The following RBFOX1 variants were observed in gnomAD, a reference collection of about 807,000 sequenced individuals.
The protein encoded by RBFOX1 is RNA binding protein fox-1 homolog 1.
RBFOX1 carries 8 observed loss-of-function variants against 57.7 expected under a neutral mutation model. That is an observed-to-expected ratio of 0.14 (90% CI 0.08 to 0.25). The LOEUF is 0.25. Among genes scored for constraint, RBFOX1 ranks in the 10% least tolerant of loss-of-function variants. RBFOX1 has a pLI of 1.00. For missense variants in RBFOX1, 611 were observed against 548.5 expected (o/e 1.11, Z -1.14); for synonymous variants, 326 against 222.4 (o/e 1.47, Z -4.15).
chr16:5,785,208 C>T (rs1457201138), intron 3 of RBFOX1, among the ~76,000 whole-genome samples: 1 of 152,200 alleles, frequency 6.6e-6, no homozygotes, highest in African/African-American at 2.4e-5. Context: ...CCCCTGTTCT[C>T]TTCTCAGTGA....
intron 3 of RBFOX1, among the ~76,000 whole-genome samples, chr16:5,801,101 C>T (rs1467130853): frequency 6.6e-6 from 1 of 152,070 alleles, no homozygotes; most frequent in African/African-American, 2.4e-5. Flanking sequence ...AGAGTGTGTA[C>T]GGAAGTGGAG....
intron 3 of RBFOX1, among the ~76,000 whole-genome samples, chr16:6,747,185 A>T (rs2073878478): frequency 6.6e-6 from 1 of 152,162 alleles, no homozygotes; most frequent in Non-Finnish European, 1.5e-5. Flanking sequence ...TGAGACGGTC[A>T]GATCACAAGG....
intron 1 of RBFOX1, among the ~76,000 whole-genome samples, chr16:6,273,229 A>C (rs1159833260): frequency 6.6e-6 from 1 of 151,716 alleles, no homozygotes; most frequent in African/African-American, 2.4e-5. Flanking sequence ...ACTGTACTCC[A>C]GCCTGGGCAG....
chr16:6,603,654 C>G (rs774388237), intron 2 of RBFOX1, among the ~76,000 whole-genome samples: 25 of 152,182 alleles, frequency 1.6e-4, no homozygotes, highest in Non-Finnish European at 3.2e-4. Context: ...TTATGCACCA[C>G]TAGGCTGACT....
chr16:6,498,746 T>C (rs2095841393), intron 2 of RBFOX1, among the ~76,000 whole-genome samples: 1 of 152,206 alleles, frequency 6.6e-6, no homozygotes, highest in African/African-American at 2.4e-5. Flanking sequence ...TAAATAATAA[T>C]TATATCTATA....
At chr16:6,729,602 C>T (rs2068038477) in intron 3 of RBFOX1, among the ~76,000 whole-genome samples, 1 of 152,100 alleles carries the variant, frequency 6.6e-6, no homozygotes, top group Admixed American at 6.6e-5. Context: ...GGGAAATGGG[C>T]TTCTAAAGGG....
intron 3 of RBFOX1, among the ~76,000 whole-genome samples, chr16:7,019,931 A>C (rs934901312): frequency 6.7e-6 from 1 of 149,324 alleles, no homozygotes; most frequent in Non-Finnish European, 1.5e-5. Context: ...GCCTTTCCAC[A>C]TTTTGTTCTC....
intron 3 of RBFOX1, among the ~76,000 whole-genome samples, chr16:6,923,677 C>A (rs925049671): frequency 1.3e-5 from 2 of 152,162 alleles, no homozygotes; most frequent in African/African-American, 4.8e-5. Context: ...ACCCTTTACT[C>A]TTTACCCCTT....
chr16:5,559,473 C>T (rs2045809662), intron 2 of RBFOX1, among the ~76,000 whole-genome samples: 1 of 152,154 alleles, frequency 6.6e-6, no homozygotes, highest in South Asian at 2.1e-4. Context: ...AACAAGGCTA[C>T]AGTGTTTTTG....
chr16:7,704,189 C>G (rs1052424119), intron 14 of RBFOX1, among the ~76,000 whole-genome samples: 3 of 152,288 alleles, frequency 2.0e-5, no homozygotes, highest in South Asian at 4.1e-4. Flanking sequence ...CCTGAATCTC[C>G]AAGCCCTCGG....
chr16:5,796,536 C>G (rs530883319), intron 3 of RBFOX1, among the ~76,000 whole-genome samples: 27 of 150,092 alleles, frequency 1.8e-4, no homozygotes, highest in Middle Eastern at 3.4e-3. Flanking sequence ...AGGGATGAAG[C>G]AGGGCTGTAT....
Position 6,543,843 on chromosome 16 carries a change from C to T in RBFOX1, c.-63-110760C>T, listed in dbSNP as rs146452973. The stretch of plus-strand genomic sequence containing the variant: ...AGAAGCCACATCTTTCCAGATACAC[C>T]TGCATGAAAAAAACCAAAAGAAGAA... On this transcript the variant is annotated intron_variant, in intron 2 of 15. Coordinates refer to ENST00000550418, the MANE Select transcript of RBFOX1 (RefSeq NM_018723.4). Among the ~76,000 whole-genome samples the T allele has an allele frequency of 1.6e-4, 25 of 152,084 alleles. No homozygotes were observed. In the East Asian group the frequency reaches 4.4e-3, roughly 27 times the overall value.
chr16:6,734,398 A>G (rs981845907), intron 3 of RBFOX1, among the ~76,000 whole-genome samples: 5 of 152,190 alleles, frequency 3.3e-5, no homozygotes, highest in Non-Finnish European at 7.3e-5. Context: ...TTTACTGAAC[A>G]CTGACAATTA....
intron 4 of RBFOX1, among the ~76,000 whole-genome samples, chr16:7,270,454 T>C (rs1032591023): frequency 3.9e-5 from 6 of 152,182 alleles, no homozygotes; most frequent in African/African-American, 1.2e-4. Flanking sequence ...TCAGACCTTA[T>C]GGAAATGTAA....
intron 14 of RBFOX1, among the ~76,000 whole-genome samples, chr16:7,703,867 G>A (rs1459695701): frequency 6.6e-6 from 1 of 152,164 alleles, no homozygotes; most frequent in Non-Finnish European, 1.5e-5. Context: ...AATTTGATCG[G>A]TAGAGCTGCA....
At chr16:7,496,279 A>G (rs1247995822) in intron 4 of RBFOX1, among the ~76,000 whole-genome samples, 1 of 152,176 alleles carries the variant, frequency 6.6e-6, no homozygotes, top group Non-Finnish European at 1.5e-5. Flanking sequence ...AGTAGCTGGA[A>G]TTACAGGCAT....
chr16:7,189,839 C>A (rs996226092), intron 4 of RBFOX1, among the ~76,000 whole-genome samples: 1 of 152,206 alleles, frequency 6.6e-6, no homozygotes, highest in African/African-American at 2.4e-5. Flanking sequence ...AATCTGTTCA[C>A]CATTGTACAT....
chr16:6,771,216 C>G (rs143859002), intron 3 of RBFOX1, among the ~76,000 whole-genome samples: 2 of 152,276 alleles, frequency 1.3e-5, no homozygotes, highest in African/African-American at 2.4e-5. Flanking sequence ...CTGCAAACAC[C>G]TTAGTCTTGA....
At chr16:6,248,333 C>A (rs187918542) in intron 1 of RBFOX1, among the ~76,000 whole-genome samples, 1 of 152,064 alleles carries the variant, frequency 6.6e-6, no homozygotes, top group African/African-American at 2.4e-5. Context: ...ATGGGCATTT[C>A]TAGTTAAATC....
Sources: gnomAD v4.1 joint callset for allele counts (sites outside exome capture counted in the v4.1 genomes callset) on GRCh38, gnomAD v4.1.1 for gene constraint, MANE v1.5 for transcripts, NCBI Gene and HGNC (gene_info 2026-07-23, HGNC 2026-07-21) for gene names.